Variants in ATP10A observed in about 807,000 individuals in gnomAD.
ATP10A encodes phospholipid-transporting ATPase VA.
Under a neutral mutation model 147.8 loss-of-function variants are expected in ATP10A, and 111 were observed. That is an observed-to-expected ratio of 0.75 (90% CI 0.64 to 0.88). ATP10A has a LOEUF of 0.88. Ranked by LOEUF, ATP10A falls within the 40% of genes least tolerant of loss-of-function variation. ATP10A has a pLI of 0.00. For synonymous variants in ATP10A, 875 were observed against 841.6 expected, an observed-to-expected ratio of 1.04 and a Z score of -0.69; for missense variants, 1,927 against 1,959.0, an observed-to-expected ratio of 0.98 and a Z score of 0.31.
Position 25,679,771 on chromosome 15 carries a change from G to A in ATP10A, c.4070C>T (p.Thr1357Ile). 6.2e-7 allele frequency: 1 copy of A among 1,613,138 alleles called. No homozygotes were observed. The highest frequency in any genetic ancestry group is 2.2e-5 in the East Asian group (1 of 44,866). The change falls in exon 21 of 21, where the codon ACA (threonine) becomes ATA (isoleucine). Residue 1357 changes from threonine (T) to isoleucine (I), a missense_variant. Coordinates refer to ENST00000555815, the MANE Select transcript of ATP10A (RefSeq NM_024490.4). ...CTCCAGGGAGCAGACCGGCTGCTGT[G>A]TGTGCCAAGAAGGCTGGGACAGGGG... ...SVPLSQPSWHTQQPVCSLEAS... is the reference protein window; with the variant it reads ...SVPLSQPSWHIQQPVCSLEAS...
chr15:25,743,354 G>T (rs1349201105), intron 2 of ATP10A, among the ~76,000 whole-genome samples: 1 of 152,228 alleles, frequency 6.6e-6, no homozygotes, highest in Non-Finnish European at 1.5e-5. Flanking sequence ...AGCACCAGAC[G>T]ACTGGGCAAT....
chr15:25,692,168 G>C (rs997813953), intron 14 of ATP10A, among the ~76,000 whole-genome samples: 6 of 152,128 alleles, frequency 3.9e-5, no homozygotes, highest in African/African-American at 1.4e-4. Context: ...GCTACTCCCA[G>C]CCACACTTCC....
At chr15:25,684,250 C>T (rs1484799323) in intron 16 of ATP10A, among the ~76,000 whole-genome samples, 1 of 152,208 alleles carries the variant, frequency 6.6e-6, no homozygotes, top group African/African-American at 2.4e-5. Context: ...TGCTAGATTC[C>T]TGAATATCAG....
At chr15:25,835,493 C>G (rs983374429) in intron 1 of ATP10A, among the ~76,000 whole-genome samples, 3 of 152,168 alleles carry the variant, frequency 2.0e-5, no homozygotes, top group Admixed American at 2.0e-4. Context: ...ACCATAGCTG[C>G]TTTCCTGACT....
intron 14 of ATP10A, 149 bp downstream of exon 14, chr15:25,694,669 AC>A (rs1189721478): frequency 1.4e-6 from 1 of 740,128 alleles, no homozygotes; most frequent in Non-Finnish European, 2.1e-6. Context: ...TACCTTCGGA[AC>A]ATGTTGCCTG....
intron 14 of ATP10A, among the ~76,000 whole-genome samples, chr15:25,693,597 G>A (rs537304145): frequency 1.3e-5 from 2 of 152,340 alleles, no homozygotes; most frequent in African/African-American, 4.8e-5. Flanking sequence ...GGGTGGTGCA[G>A]GTCAGCCTGA....
chr15:25,756,114 T>C lies in ATP10A; in HGVS notation c.655-19973A>G, dbSNP rs368959450. Among the ~76,000 whole-genome samples, 26 of 152,342 alleles carry C rather than the reference T, an allele frequency of 1.7e-4. No homozygotes were observed. In the East Asian group the frequency reaches 4.6e-3, roughly 27 times the overall value. The stretch of plus-strand genomic sequence containing the variant: ...TCTGTTCATTGTTTACCTTGTTTCA[T>C]TTGGGAGCCATCCCTTTGAGACTGC... On this transcript the variant is annotated intron_variant, in intron 2 of 20. Coordinates refer to ENST00000555815, the MANE Select transcript of ATP10A (RefSeq NM_024490.4).
chr15:25,780,030 G>A (rs933172095), intron 2 of ATP10A, among the ~76,000 whole-genome samples: 2 of 152,184 alleles, frequency 1.3e-5, no homozygotes, highest in African/African-American at 4.8e-5. Context: ...GGTGACCGGG[G>A]GCATCTAGAG....
At chr15:25,848,683 C>T (rs1893142868) in intron 1 of ATP10A, 1 of 154,084 alleles carries the variant, frequency 6.5e-6, no homozygotes, top group African/African-American at 2.4e-5. Flanking sequence ...CTTTTACAGA[C>T]TTGTGATTAC....
At chr15:25,736,184 G>A (rs1180676194) in intron 2 of ATP10A, 43 bp from the exon 3 acceptor site, 1 of 1,553,104 alleles carries the variant, frequency 6.4e-7, no homozygotes, top group Non-Finnish European at 8.9e-7. Context: ...CCGGGCTCAG[G>A]CTGCGCCGTT....
At chr15:25,703,966 G>A (rs897525765) in intron 12 of ATP10A, among the ~76,000 whole-genome samples, 6 of 152,216 alleles carry the variant, frequency 3.9e-5, no homozygotes, top group Non-Finnish European at 5.9e-5. Flanking sequence ...ACCACACAGC[G>A]TGTGGAGCTT....
At chr15:25,831,372 C>A (rs574601406) in intron 1 of ATP10A, among the ~76,000 whole-genome samples, 1 of 152,224 alleles carries the variant, frequency 6.6e-6, no homozygotes, top group Non-Finnish European at 1.5e-5. Flanking sequence ...ATCTCCTTGA[C>A]AACATTTTCC....
At chr15:25,766,951 A>G (rs1039620345) in intron 2 of ATP10A, among the ~76,000 whole-genome samples, 22 of 151,566 alleles carry the variant, frequency 1.5e-4, no homozygotes, top group African/African-American at 5.1e-4. Flanking sequence ...AACTTAATAC[A>G]TGGACATTCA....
intron 5 of ATP10A, among the ~76,000 whole-genome samples, chr15:25,724,677 C>A (rs1359425903): frequency 6.6e-6 from 1 of 152,240 alleles, no homozygotes; most frequent in Non-Finnish European, 1.5e-5. Context: ...CCATTAGTAA[C>A]ATCTGTGCTT....
chr15:25,835,914 C>A (rs558892036), intron 1 of ATP10A, among the ~76,000 whole-genome samples: 1 of 152,130 alleles, frequency 6.6e-6, no homozygotes, highest in South Asian at 2.1e-4. Flanking sequence ...CCGGGGCTCA[C>A]GCCATTCTCC....
chr15:25,739,505 G>C (rs904351616), intron 2 of ATP10A, among the ~76,000 whole-genome samples: 5 of 152,150 alleles, frequency 3.3e-5, no homozygotes, highest in Non-Finnish European at 5.9e-5. Context: ...CGGGGTCTCT[G>C]TTGCCCTATA....
chr15:25,781,087 C>G lies in ATP10A; in HGVS notation c.586G>C (p.Glu196Gln). Residue 196 changes from glutamate to glutamine, a missense_variant, in exon 2 of 21, where the codon GAG (glutamate) becomes CAG (glutamine). Glu to Gln is a conservative substitution (Grantham distance 29). Coordinates refer to ENST00000555815, the MANE Select transcript of ATP10A (RefSeq NM_024490.4). ...SSDPDGLCHI[E>Q]TANLDGETNL... ...GTCTCTCCATCCAGGTTGGCGGTCTCGATGTGGCATAGCCCGTCGGGGTCA... is the reference window on the plus strand; with the variant it reads ...GTCTCTCCATCCAGGTTGGCGGTCTGGATGTGGCATAGCCCGTCGGGGTCA... 4 of 1,614,154 alleles carry G rather than the reference C, an allele frequency of 2.5e-6. No individual in the cohort carries two copies. Among genetic ancestry groups the G allele is most frequent in the Non-Finnish European group, 2.5e-6 (3 of 1,180,034 alleles).
At chr15:25,839,856 C>T (rs1892739355) in intron 1 of ATP10A, among the ~76,000 whole-genome samples, 1 of 152,182 alleles carries the variant, frequency 6.6e-6, no homozygotes, top group Non-Finnish European at 1.5e-5. Context: ...AAAATCAAAA[C>T]CGGGAAATTG....
chr15:25,756,923 T>G (rs1888445421), intron 2 of ATP10A, among the ~76,000 whole-genome samples: 1 of 152,200 alleles, frequency 6.6e-6, no homozygotes, highest in Non-Finnish European at 1.5e-5. Context: ...TGATGGCTAG[T>G]TTAGCTCAAT....
Sources: allele counts gnomAD v4.1 joint callset (sites outside exome capture counted in the v4.1 genomes callset), GRCh38; gene constraint gnomAD v4.1.1; transcripts MANE v1.5; gene names NCBI Gene and HGNC (gene_info 2026-07-23, HGNC 2026-07-21).